The following SEMA3D variants were observed in gnomAD, a reference collection of about 807,000 sequenced individuals.
The protein encoded by SEMA3D is semaphorin-3D.
A neutral mutation model predicts 100.1 loss-of-function variants in SEMA3D; 84 were observed. The observed-to-expected ratio is 0.84, with a 90% CI of 0.70 to 1.01. The LOEUF (loss-of-function observed/expected upper bound fraction) is 1.01. Ranked by LOEUF, SEMA3D falls within the 50% of genes least tolerant of loss-of-function variation. The pLI is 0.00. For missense variants in SEMA3D, 875 were observed against 934.1 expected (o/e 0.94, Z 0.82); for synonymous variants, 312 against 320.7 (o/e 0.97, Z 0.29).
At chr7:85,223,948 A>G in the SEMA3D span, among the ~76,000 whole-genome samples, 2 of 152,110 alleles carry the variant, frequency 1.3e-5, no homozygotes, top group African/African-American at 2.4e-5. Context: ...ACCACACACT[A>G]CAATTCCAAA....
intron 5 of SEMA3D, among the ~76,000 whole-genome samples, chr7:85,080,743 C>A (rs2116229657): frequency 6.6e-6 from 1 of 152,212 alleles, no homozygotes; most frequent in Admixed American, 6.5e-5. Flanking sequence ...CCAGTCAGAG[C>A]CATAGCCCTC....
intron 18 of SEMA3D, among the ~76,000 whole-genome samples, chr7:85,000,623 T>A (rs1789630316): frequency 6.6e-6 from 1 of 152,216 alleles, no homozygotes; most frequent in Admixed American, 6.5e-5. Context: ...ATATTTGCCA[T>A]GCCTTTGTAT....
At chr7:85,038,865 C>G (rs2158726) in intron 11 of SEMA3D, among the ~76,000 whole-genome samples, 1 of 151,964 alleles carries the variant, frequency 6.6e-6, no homozygotes, top group Non-Finnish European at 1.5e-5. Flanking sequence ...ATTAACCAAA[C>G]AGTATTTTGT....
chr7:85,171,557 A>C (rs1791082450), intron 1 of SEMA3D, among the ~76,000 whole-genome samples: 1 of 151,948 alleles, frequency 6.6e-6, no homozygotes, highest in African/African-American at 2.4e-5. Flanking sequence ...GATCAAGATC[A>C]ACCTTTTTTT....
At chr7:85,226,830 C>A in the SEMA3D span, among the ~76,000 whole-genome samples, 2 of 152,140 alleles carry the variant, frequency 1.3e-5, no homozygotes, top group African/African-American at 4.8e-5. Context: ...AGGCAGATAT[C>A]TTCAAAGTGC....
chr7:85,158,356 C>T (rs866533435), intron 1 of SEMA3D, among the ~76,000 whole-genome samples: 8 of 152,198 alleles, frequency 5.3e-5, no homozygotes, highest in South Asian at 2.1e-4. Flanking sequence ...CGAAAATGGC[C>T]GCTTTGGGGA....
chr7:85,112,668 C>G (rs1243304745), intron 3 of SEMA3D, among the ~76,000 whole-genome samples: 1 of 152,054 alleles, frequency 6.6e-6, no homozygotes, highest in Non-Finnish European at 1.5e-5. Flanking sequence ...AGTATCTTAT[C>G]TATAAAATAG....
chr7:85,149,622 A>G (rs1790310061), intron 2 of SEMA3D, among the ~76,000 whole-genome samples: 1 of 152,178 alleles, frequency 6.6e-6, no homozygotes, highest in Non-Finnish European at 1.5e-5. Context: ...GCCATAATGG[A>G]CTGAGAAAAA....
chr7:85,127,202 ATT>A (rs1789592985), intron 2 of SEMA3D, among the ~76,000 whole-genome samples: 1 of 152,138 alleles, frequency 6.6e-6, no homozygotes, highest in African/African-American at 2.4e-5. Flanking sequence ...ACAAATTACG[ATT>A]ATCATCAGAA....
upstream of SEMA3D, among the ~76,000 whole-genome samples, chr7:85,190,033 A>G (rs1791658641): frequency 2.0e-5 from 3 of 152,090 alleles, no homozygotes; most frequent in Non-Finnish European, 4.4e-5. Context: ...ACATATAGCT[A>G]CCTCTGAACA....
At position 85,093,306 on chromosome 7, in the gene SEMA3D, A is replaced by C. The variant is rs531004270; in HGVS notation, c.312+4499T>G. The stretch of plus-strand genomic sequence containing the variant: ...CCTTGCAAGTTTGAGAGTTGAAACT[A>C]ATATATTTCTGGCCAACGAGATGAA... On this transcript the variant is annotated intron_variant, in intron 4 of 18. Coordinates refer to ENST00000284136, the MANE Select transcript of SEMA3D (RefSeq NM_001384900.1). 1.8e-4 allele frequency among the ~76,000 whole-genome samples: 27 copies of C among 152,116 alleles called. No individual in the cohort carries two copies. The East Asian group carries it at 2.1e-3, about 12-fold the overall frequency.
At chr7:85,244,633 G>A in the SEMA3D span, among the ~76,000 whole-genome samples, 2 of 151,908 alleles carry the variant, frequency 1.3e-5, no homozygotes, top group Non-Finnish European at 2.9e-5. Flanking sequence ...AGGAGTTAGA[G>A]GGGTAATATT....
At chr7:85,214,811 T>A in the SEMA3D span, among the ~76,000 whole-genome samples, 1 of 152,118 alleles carries the variant, frequency 6.6e-6, no homozygotes, top group African/African-American at 2.4e-5. Context: ...TTGGCTCTTA[T>A]AATGATGATT....
intron 2 of SEMA3D, chr7:85,140,057 GCTA>G (rs1234480917): frequency 5.8e-5 from 28 of 482,750 alleles, no homozygotes; most frequent in Middle Eastern, 1.1e-3. Flanking sequence ...TATTACACAT[GCTA>G]CTATTAATTA....
In SEMA3D at chr7:84,999,919, C is replaced by A. The variant is rs565360700; in HGVS notation, c.1909-54G>T. On this transcript the variant is annotated intron_variant, in intron 18 of 18. Coordinates refer to ENST00000284136, the MANE Select transcript of SEMA3D (RefSeq NM_001384900.1). ...AATTAAACACAGAGAGAGCTAAGAG[C>A]AAATGAAAACAGGCTACATAGTTTT... 1.4e-4 allele frequency: 189 copies of A among 1,396,302 alleles called. No individual in the cohort carries two copies. In the African/African-American group the frequency reaches 2.4e-3, roughly 18 times the overall value. The allele number at this position is 1,396,302 out of a possible 1,614,324, so 86.5% of individuals were successfully genotyped here.
At chr7:85,117,691 T>C (rs757763278) in intron 3 of SEMA3D, among the ~76,000 whole-genome samples, 14 of 152,058 alleles carry the variant, frequency 9.2e-5, no homozygotes, top group Non-Finnish European at 1.9e-4. Context: ...GAGGATTACT[T>C]GAGCTTAGGA....
At chr7:85,115,320 A>C (rs1789208410) in intron 3 of SEMA3D, among the ~76,000 whole-genome samples, 1 of 152,186 alleles carries the variant, frequency 6.6e-6, no homozygotes, top group African/African-American at 2.4e-5. Context: ...ATCCTCATAC[A>C]TAAGAAAGGG....
chr7:85,065,751 T>C (rs1791601246), intron 7 of SEMA3D, among the ~76,000 whole-genome samples, 199 bp from the exon 8 acceptor site: 1 of 152,240 alleles, frequency 6.6e-6, no homozygotes, highest in South Asian at 2.1e-4. Flanking sequence ...AAGCTGATGC[T>C]GAATACTTGA....
At chr7:85,151,192 G>A (rs1790373152) in intron 2 of SEMA3D, among the ~76,000 whole-genome samples, 1 of 151,660 alleles carries the variant, frequency 6.6e-6, no homozygotes, top group South Asian at 2.1e-4. Flanking sequence ...AAAAAAAATT[G>A]CTGCAAAAAC....
Sources: allele counts gnomAD v4.1 joint callset (sites outside exome capture counted in the v4.1 genomes callset), GRCh38; gene constraint gnomAD v4.1.1; transcripts MANE v1.5; gene names NCBI Gene and HGNC (gene_info 2026-07-23, HGNC 2026-07-21).